Variants in CLDN10 observed in about 807,000 individuals in gnomAD.
CLDN10 encodes claudin-10.
CLDN10 carries 15 observed loss-of-function variants against 22.9 expected under a neutral mutation model. The observed-to-expected ratio is 0.65, with a 90% CI of 0.44 to 1.01. CLDN10 has a LOEUF of 1.01. Among genes scored for constraint, CLDN10 ranks in the 50% least tolerant of loss-of-function variants. The probability of loss-of-function intolerance (pLI) is 0.00; values close to 1 mark genes in which losing one functional copy is unlikely to be tolerated. For synonymous variants in CLDN10, 114 were observed against 111.4 expected (o/e 1.02, Z -0.15); for missense variants, 247 against 287.8 (o/e 0.86, Z 1.03).
At chr13:95,571,469 C>A (rs756215737) in intron 3 of CLDN10, among the ~76,000 whole-genome samples, 3 of 152,098 alleles carry the variant, frequency 2.0e-5, no homozygotes, top group Non-Finnish European at 2.9e-5. Context: ...TTGTTGGATG[C>A]CTTGGGTAGG....
intron 1 of CLDN10, among the ~76,000 whole-genome samples, chr13:95,483,426 C>T (rs1276402454): frequency 6.6e-6 from 1 of 152,048 alleles, no homozygotes; most frequent in East Asian, 1.9e-4. Context: ...CCAGGCTGGT[C>T]TTCAACTACT....
At chr13:95,459,610 G>C (rs2042515166) in intron 1 of CLDN10, among the ~76,000 whole-genome samples, 1 of 152,196 alleles carries the variant, frequency 6.6e-6, no homozygotes, top group African/African-American at 2.4e-5. Flanking sequence ...TCCTGAGACT[G>C]GACAAAGTAG....
intron 1 of CLDN10, among the ~76,000 whole-genome samples, chr13:95,545,595 T>C (rs1281037944): frequency 6.6e-6 from 1 of 152,074 alleles, no homozygotes; most frequent in East Asian, 1.9e-4. Flanking sequence ...ATTTGAAAAA[T>C]TGAATTAGGT....
chr13:95,461,763 C>T (rs78127562), intron 1 of CLDN10, among the ~76,000 whole-genome samples: 1 of 152,196 alleles, frequency 6.6e-6, no homozygotes, highest in African/African-American at 2.4e-5. Context: ...TACCTGTGCA[C>T]TTCTGTGAGA....
intron 1 of CLDN10, among the ~76,000 whole-genome samples, chr13:95,539,967 C>T (rs1449644558): frequency 6.6e-6 from 1 of 151,872 alleles, no homozygotes; most frequent in Non-Finnish European, 1.5e-5. Context: ...CCAGCCTGGG[C>T]AACATGGTGA....
At chr13:95,550,820 CTTTTTTTTTT>C (rs56225257), upstream of CLDN10, among the ~76,000 whole-genome samples, 10 of 85,546 alleles carry the variant, frequency 1.2e-4, no homozygotes, top group South Asian at 1.5e-3. Flanking sequence ...TAGGAAGATA[CTTTTTTTTTT>C]TTTTTTTTTT....
At position 95,537,457 on chromosome 13, in the gene CLDN10, T is replaced by C. The variant is rs1196306347; in HGVS notation, c.215-22675T>C. Among the ~76,000 whole-genome samples, 7 of 152,294 alleles carry C rather than the reference T, an allele frequency of 4.6e-5. No individual in the cohort carries two copies. In the East Asian group the frequency reaches 1.4e-3, roughly 29 times the overall value. Reference sequence around the variant, plus strand: ...GTAGCTTGAGTCCCACCATAATTTGTGTACGTTTTCTGATGGGGATGATAT... The same window carrying C: ...GTAGCTTGAGTCCCACCATAATTTGCGTACGTTTTCTGATGGGGATGATAT... On this transcript the variant is annotated intron_variant, in intron 1 of 4. Coordinates refer to the CLDN10 transcript ENST00000376873.
At chr13:95,452,405 C>G (rs1271287863) in intron 1 of CLDN10, among the ~76,000 whole-genome samples, 1 of 152,078 alleles carries the variant, frequency 6.6e-6, no homozygotes, top group Non-Finnish European at 1.5e-5. Flanking sequence ...GAACAGATTC[C>G]TTCCCTGAGG....
chr13:95,498,020 T>G (rs1279707050), intron 1 of CLDN10, among the ~76,000 whole-genome samples: 1 of 152,086 alleles, frequency 6.6e-6, no homozygotes, highest in East Asian at 1.9e-4. Flanking sequence ...CAAGGGGAAA[T>G]TTTTACAGTC....
intron 1 of CLDN10, among the ~76,000 whole-genome samples, chr13:95,520,330 T>C (rs2043211757): frequency 6.6e-6 from 1 of 152,244 alleles, no homozygotes; most frequent in African/African-American, 2.4e-5. Context: ...TTAAATTTTA[T>C]TTCTAGTTAT....
At chr13:95,493,277 C>G (rs1210212162) in intron 1 of CLDN10, among the ~76,000 whole-genome samples, 1 of 152,122 alleles carries the variant, frequency 6.6e-6, no homozygotes, top group Non-Finnish European at 1.5e-5. Flanking sequence ...GTGCACCCAC[C>G]TGGCCCTAAT....
chr13:95,553,190 C>T (rs2043589529), intron 1 of CLDN10, among the ~76,000 whole-genome samples: 1 of 152,198 alleles, frequency 6.6e-6, no homozygotes, highest in Admixed American at 6.5e-5. Context: ...GAGCCTGGGA[C>T]CCCGGGAGGG....
intron 1 of CLDN10, among the ~76,000 whole-genome samples, chr13:95,526,670 C>T (rs1017404398): frequency 4.6e-5 from 7 of 152,076 alleles, no homozygotes; most frequent in African/African-American, 1.7e-4. Flanking sequence ...CACCTGGAAT[C>T]ACAGCTACTC....
chr13:95,450,415 C>T (rs944855763), intron 1 of CLDN10, among the ~76,000 whole-genome samples: 3 of 152,108 alleles, frequency 2.0e-5, no homozygotes, highest in African/African-American at 7.2e-5. Flanking sequence ...ATTAAGAGCC[C>T]TTCCCTCTTT....
intron 1 of CLDN10, among the ~76,000 whole-genome samples, chr13:95,441,235 AGC>A: frequency 6.6e-6 from 1 of 152,194 alleles, no homozygotes; most frequent in East Asian, 1.9e-4. Context: ...CAAGTAAAAG[AGC>A]CATGGATTTG....
At chr13:95,563,847 T>C (rs769595192) in intron 3 of CLDN10, among the ~76,000 whole-genome samples, 12 of 152,240 alleles carry the variant, frequency 7.9e-5, no homozygotes, top group Non-Finnish European at 1.6e-4. Context: ...TATCAACACC[T>C]TCTAGTAGAG....
At chr13:95,559,442 A>G (rs2043677146) in intron 1 of CLDN10, among the ~76,000 whole-genome samples, 1 of 152,240 alleles carries the variant, frequency 6.6e-6, no homozygotes, top group South Asian at 2.1e-4. Flanking sequence ...TGACTTAATC[A>G]CTATAAATTA....
chr13:95,561,025 C>T (rs2043704045), intron 3 of CLDN10: 2 of 152,582 alleles, frequency 1.3e-5, no homozygotes, highest in African/African-American at 4.8e-5. Context: ...CAGATGAATG[C>T]TTTGGAATTA....
At chr13:95,541,179 C>G (rs2043456270) in intron 1 of CLDN10, among the ~76,000 whole-genome samples, 1 of 152,204 alleles carries the variant, frequency 6.6e-6, no homozygotes, top group South Asian at 2.1e-4. Context: ...GGAAATCAGG[C>G]CTTGTGCAGA....
Sources: gnomAD v4.1 joint callset for allele counts (sites outside exome capture counted in the v4.1 genomes callset) on GRCh38, gnomAD v4.1.1 for gene constraint, MANE v1.5 for transcripts, NCBI Gene and HGNC (gene_info 2026-07-23, HGNC 2026-07-21) for gene names.